The following LRRN1 variants were observed in gnomAD, a reference collection of about 807,000 sequenced individuals.
LRRN1 encodes the protein leucine rich repeat neuronal 1.
LRRN1 carries 14 observed loss-of-function variants against 45.8 expected under a neutral mutation model. The observed-to-expected ratio is 0.31, with a 90% CI of 0.20 to 0.48. The LOEUF (loss-of-function observed/expected upper bound fraction) is 0.48, where lower values mean the gene tolerates loss of function less well. Ranked by LOEUF, LRRN1 falls within the 20% of genes least tolerant of loss-of-function variation. The pLI is 0.99. For missense variants in LRRN1, 789 were observed against 874.2 expected, an observed-to-expected ratio of 0.90 and a Z score of 1.23; for synonymous variants, 359 against 330.1, an observed-to-expected ratio of 1.09 and a Z score of -0.95.
At position 3,846,452 on chromosome 3, in the gene LRRN1, A is replaced by G; in HGVS notation, c.1811A>G (p.Gln604Arg). Residue 604 changes from glutamine (Q) to arginine (R), a missense_variant, in exon 2 of 2, where the codon CAG becomes CGG. Gln to Arg is a conservative substitution (Grantham distance 43, BLOSUM62 1). Coordinates refer to ENST00000319331, the MANE Select transcript of LRRN1 (RefSeq NM_020873.7). The surrounding 1 kb of genome is among the most constrained non-coding windows in gnomAD (Gnocchi z 5.7). ...CTCACAGTGTCCAATATTCATCAGCAGACTCAAAAGTCATGCGTAAATGTC... is the reference window on the plus strand; with the variant it reads ...CTCACAGTGTCCAATATTCATCAGCGGACTCAAAAGTCATGCGTAAATGTC... The part of the protein sequence containing the change: ...VCLTVSNIHQ[Q>R]TQKSCVNVTT... 1 of 1,614,184 alleles carries G rather than the reference A, an allele frequency of 6.2e-7. No individual in the cohort carries two copies. The highest frequency in any genetic ancestry group is 8.5e-7 in the Non-Finnish European group (1 of 1,180,030).
intron 1 of LRRN1, among the ~76,000 whole-genome samples, chr3:3,808,576 T>C (rs1037032381): frequency 1.3e-5 from 2 of 152,192 alleles, no homozygotes; most frequent in Non-Finnish European, 2.9e-5. Flanking sequence ...CCTCTGTGAC[T>C]TGTGAATGAT....
In LRRN1 at chr3:3,845,353, C is replaced by T. The variant is rs1411006164; in HGVS notation, c.712C>T (p.Leu238=). The change falls in exon 2 of 2, where the codon CTG becomes TTG. Residue 238 remains leucine (L), a synonymous_variant. Coordinates refer to ENST00000319331, the MANE Select transcript of LRRN1 (RefSeq NM_020873.7). This position sits in a 1 kb window ranked among gnomAD's most constrained non-coding sequence, Gnocchi z 6.5. ...TATTCCTGGAAATGCTTTGGTGGGTCTGGATAGCCTTGAGAGCCTGTCTTT... is the reference window on the plus strand; with the variant it reads ...TATTCCTGGAAATGCTTTGGTGGGTTTGGATAGCCTTGAGAGCCTGTCTTT... ...TDIPGNALVG[L]DSLESLSFYD... is the part of the protein sequence containing the mutation. The T allele has an allele frequency of 6.2e-7, 1 of 1,613,962 alleles. No homozygotes were observed. The highest frequency in any genetic ancestry group is 1.1e-5 in the South Asian group (1 of 91,086).
intron 1 of LRRN1, among the ~76,000 whole-genome samples, chr3:3,815,533 G>A (rs577928925): frequency 4.3e-4 from 66 of 152,262 alleles, no homozygotes; most frequent in Non-Finnish European, 1.6e-4. Flanking sequence ...GCCAACATAG[G>A]TACTAGCTGG....
At chr3:3,828,622 C>T (rs1480525418) in intron 1 of LRRN1, among the ~76,000 whole-genome samples, 1 of 152,054 alleles carries the variant, frequency 6.6e-6, no homozygotes, top group African/African-American at 2.4e-5. Flanking sequence ...TAAATAGAGA[C>T]AATAATGAGG....
chr3:3,839,271 A>G (rs1693593611), intron 1 of LRRN1, among the ~76,000 whole-genome samples: 1 of 152,106 alleles, frequency 6.6e-6, no homozygotes, highest in Non-Finnish European at 1.5e-5. Flanking sequence ...CCTTTATTGT[A>G]TAGTCTTGGC....
chr3:3,822,838 G>C (rs1361149543), intron 1 of LRRN1: 2 of 152,200 alleles, frequency 1.3e-5, no homozygotes, highest in Non-Finnish European at 2.9e-5. Flanking sequence ...TTTGCAAGTT[G>C]AGCCTTCCTG....
chr3:3,810,704 C>G lies in LRRN1; in HGVS notation c.-279+10785C>G, dbSNP rs540213578. The stretch of plus-strand genomic sequence containing the variant: ...CCTGAGTGACAAAGCAAGATGTTGT[C>G]TCTTTAAGAAAAGGAAAGAAAGAAA... On this transcript the variant is annotated intron_variant, in intron 1 of 1. Transcript: ENST00000319331. Among the ~76,000 whole-genome samples, 172 of 152,220 alleles carry G rather than the reference C, an allele frequency of 1.1e-3. 1 individual carries two copies. The Middle Eastern group carries it at 0.024, about 21-fold the overall frequency.
chr3:3,821,965 T>A (rs562918456), intron 1 of LRRN1, among the ~76,000 whole-genome samples: 6 of 152,260 alleles, frequency 3.9e-5, no homozygotes, highest in Non-Finnish European at 4.4e-5. Context: ...AGATGCACAC[T>A]CTCATATGGC....
chr3:3,839,746 G>A (rs1341133259), intron 1 of LRRN1, among the ~76,000 whole-genome samples: 1 of 151,996 alleles, frequency 6.6e-6, no homozygotes, highest in African/African-American at 2.4e-5. Flanking sequence ...TGATACTTTT[G>A]TAAATGGGGT....
At chr3:3,819,107 C>T (rs930823445) in intron 1 of LRRN1, among the ~76,000 whole-genome samples, 13 of 152,064 alleles carry the variant, frequency 8.5e-5, no homozygotes, top group Admixed American at 2.0e-4. Flanking sequence ...CCTGCTTCAG[C>T]CTCCTAAGTA....
rs1559312857 is a variant in LRRN1, at chr3:3,845,212, C to A, written c.571C>A (p.Pro191Thr). The A allele has an allele frequency of 1.2e-6, 2 of 1,614,116 alleles. No individual in the cohort carries two copies. Among genetic ancestry groups the A allele is most frequent in the Admixed American group, 1.7e-5 (1 of 60,010 alleles). ...TGATAGTCGCTGGTTTGATTCTACA[C>A]CCAACCTGGAAATTCTCATGATCGG... is the stretch of plus-strand genomic sequence containing the variant. Reference protein sequence around the residue: ...VIDSRWFDSTPNLEILMIGEN... With the variant: ...VIDSRWFDSTTNLEILMIGEN... Residue 191 changes from proline to threonine, a missense_variant, in exon 2 of 2, where the codon CCC becomes ACC. Coordinates refer to ENST00000319331, the MANE Select transcript of LRRN1 (RefSeq NM_020873.7). The surrounding 1 kb of genome is among the most constrained non-coding windows in gnomAD (Gnocchi z 6.5).
At chr3:3,839,511 T>C (rs544682898) in intron 1 of LRRN1, among the ~76,000 whole-genome samples, 1 of 152,280 alleles carries the variant, frequency 6.6e-6, no homozygotes, top group Non-Finnish European at 1.5e-5. Context: ...TTTTTTCCTG[T>C]AGAAATTACC....
At chr3:3,818,347 T>C (rs1225644771) in intron 1 of LRRN1, among the ~76,000 whole-genome samples, 1 of 152,198 alleles carries the variant, frequency 6.6e-6, no homozygotes, top group Non-Finnish European at 1.5e-5. Flanking sequence ...TGGTAGTTTT[T>C]AATAACTACA....
At chr3:3,812,294 C>A (rs1391994682) in intron 1 of LRRN1, among the ~76,000 whole-genome samples, 1 of 152,062 alleles carries the variant, frequency 6.6e-6, no homozygotes, top group African/African-American at 2.4e-5. Flanking sequence ...TACACGAGGC[C>A]AGGAGAATGT....
At chr3:3,836,745 TG>T (rs1489305762) in intron 1 of LRRN1, among the ~76,000 whole-genome samples, 1 of 152,076 alleles carries the variant, frequency 6.6e-6, no homozygotes, top group African/African-American at 2.4e-5. Flanking sequence ...GAGTGGGATA[TG>T]GGGGGTGGTA....
intron 1 of LRRN1, among the ~76,000 whole-genome samples, chr3:3,842,478 C>T (rs1371855858): frequency 1.3e-5 from 2 of 151,750 alleles, no homozygotes; most frequent in Non-Finnish European, 1.5e-5. Flanking sequence ...ACTTTTCCTT[C>T]TTACTGTGAA....
In LRRN1 at chr3:3,846,518, A is replaced by C; in HGVS notation, c.1877A>C (p.Gln626Pro). The change falls in exon 2 of 2, where the codon CAA becomes CCA. Residue 626 changes from glutamine (Q) to proline (P), a missense_variant. Transcript: ENST00000319331. This position sits in a 1 kb window ranked among gnomAD's most constrained non-coding sequence, Gnocchi z 5.7. ...GCCTTCGCAGTGGACATCTCTGATC[A>C]AGAAACCAGTACAGCCCTTGCTGCA... ...NAAFAVDISD[Q>P]ETSTALAAVM... 6.2e-7 allele frequency: 1 copy of C among 1,614,224 alleles called. No homozygotes were observed.
At chr3:3,835,933 C>G (rs1559304136) in intron 1 of LRRN1, among the ~76,000 whole-genome samples, 1 of 151,754 alleles carries the variant, frequency 6.6e-6, no homozygotes, top group Non-Finnish European at 1.5e-5. Context: ...CATCCCGTGC[C>G]AATTCTGGGC....
At chr3:3,811,126 TACCAACTCTGGG>T (rs1456684521) in intron 1 of LRRN1, among the ~76,000 whole-genome samples, 1 of 152,116 alleles carries the variant, frequency 6.6e-6, no homozygotes, top group African/African-American at 2.4e-5. Context: ...GAGGAACACA[TACCAACTCTGGG>T]AGTTATGTAT....
Sources: allele counts gnomAD v4.1 joint callset (sites outside exome capture counted in the v4.1 genomes callset), GRCh38; gene constraint gnomAD v4.1.1; non-coding constraint Gnocchi (gnomAD v3.1); transcripts MANE v1.5; gene names NCBI Gene and HGNC (gene_info 2026-07-23, HGNC 2026-07-21).